The following CACNA1I variants were observed in gnomAD, a reference collection of about 807,000 sequenced individuals.
CACNA1I encodes calcium voltage-gated channel subunit alpha1 I, also known as voltage-dependent T-type calcium channel subunit alpha-1I.
A neutral mutation model predicts 201.6 loss-of-function variants in CACNA1I; 74 were observed. That is an observed-to-expected ratio of 0.37 (90% CI 0.30 to 0.45). The LOEUF is 0.45. Ranked by LOEUF, CACNA1I falls within the 20% of genes least tolerant of loss-of-function variation. CACNA1I has a pLI of 1.00. For synonymous variants in CACNA1I, 1,431 were observed against 1,345.2 expected (o/e 1.06, Z -1.40); for missense variants, 2,346 against 3,138.1 (o/e 0.75, Z 6.03).
intron 7 of CACNA1I, among the ~76,000 whole-genome samples, chr22:39,644,970 G>A (rs756691973): frequency 6.6e-6 from 1 of 152,062 alleles, no homozygotes; most frequent in Non-Finnish European, 1.5e-5. Flanking sequence ...TTACAGGCAT[G>A]AGCCGCAGCC....
At position 39,646,882 on chromosome 22, in the gene CACNA1I, G is replaced by GT; in HGVS notation, c.1462+2dup. ...CACGCCAAGGAGCCCCGGCACTACC[G>GT]TAAGTGGCCCTGCATCCGACGCGGC... On this transcript the variant is annotated splice_donor_variant, in intron 8 of 36. Coordinates refer to ENST00000402142, the MANE Select transcript of CACNA1I (RefSeq NM_021096.4). LOFTEE classifies it high-confidence loss of function. 2.7e-6 allele frequency: 4 copies of GT among 1,488,870 alleles called. No homozygotes were observed. The highest frequency in any genetic ancestry group is 3.6e-6 in the Non-Finnish European group (4 of 1,122,002). The allele number at this position is 1,488,870 out of a possible 1,614,324, so 92.2% of individuals were successfully genotyped here.
chr22:39,636,968 G>C (rs1934234333), intron 5 of CACNA1I, among the ~76,000 whole-genome samples: 1 of 152,192 alleles, frequency 6.6e-6, no homozygotes, highest in Admixed American at 6.5e-5. Context: ...ATGCAGATGG[G>C]GACTGAGGCC....
chr22:39,632,409 C>T (rs1432985833), intron 4 of CACNA1I, among the ~76,000 whole-genome samples: 1 of 152,234 alleles, frequency 6.6e-6, no homozygotes, highest in Non-Finnish European at 1.5e-5. Flanking sequence ...CCCCTGCAAC[C>T]GCCTTCAGGA....
chr22:39,575,829 C>T (rs576046348), intron 1 of CACNA1I, among the ~76,000 whole-genome samples: 1 of 151,622 alleles, frequency 6.6e-6, no homozygotes, highest in Admixed American at 6.6e-5. Context: ...GGATGGAGTG[C>T]AATGGCATGA....
chr22:39,633,279 G>A (rs145712565), intron 4 of CACNA1I, among the ~76,000 whole-genome samples: 2 of 152,154 alleles, frequency 1.3e-5, no homozygotes, highest in East Asian at 1.9e-4. Flanking sequence ...ACTTAGACAA[G>A]GGCCCTGCCC....
intron 3 of CACNA1I, among the ~76,000 whole-genome samples, chr22:39,604,765 TA>T (rs1157488458): frequency 6.6e-6 from 1 of 151,868 alleles, no homozygotes; most frequent in Non-Finnish European, 1.5e-5. Flanking sequence ...TTTTACTTTT[TA>T]ATTTTTTTGT....
chr22:39,574,172 G>T (rs560029561), intron 1 of CACNA1I, among the ~76,000 whole-genome samples: 2 of 152,308 alleles, frequency 1.3e-5, no homozygotes, highest in Admixed American at 6.5e-5. Context: ...AAGATTTAAG[G>T]CTCAGCGACA....
Position 39,581,358 on chromosome 22 carries a change from G to A in CACNA1I, c.236+10370G>A, listed in dbSNP as rs1223663229. On this transcript the variant is annotated intron_variant, in intron 1 of 36. Transcript: ENST00000402142. The stretch of plus-strand genomic sequence containing the variant: ...CTGGGAGAGGATGTGCATGAGGATG[G>A]AAGGACATTTGGGGTCCAGATTCTG... Among the ~76,000 whole-genome samples the A allele has an allele frequency of 2.0e-5, 3 of 152,306 alleles. No homozygotes were observed. The South Asian group carries it at 6.2e-4, about 32-fold the overall frequency.
chr22:39,684,474 G>A lies in CACNA1I; in HGVS notation c.6003G>A (p.Arg2001=). The A allele has an allele frequency of 6.2e-7, 1 of 1,613,302 alleles. No homozygotes were observed. Among genetic ancestry groups the A allele is most frequent in the Non-Finnish European group, 8.5e-7 (1 of 1,179,858 alleles). The change falls in exon 36 of 37, where the codon AGG becomes AGA. Residue 2001 remains arginine (R), a synonymous_variant. Coordinates refer to ENST00000402142, the MANE Select transcript of CACNA1I (RefSeq NM_021096.4). This position sits in a 1 kb window ranked among gnomAD's most constrained non-coding sequence, Gnocchi z 4.6. ...CCTGGGCATCTCTGCGGTCACCAAG[G>A]GTCAACTGTACCCTCCTCCGGCAGG... ...QGSWASLRSP[R]VNCTLLRQAT...
rs1442819857 is a variant in CACNA1I at position 39,570,793 on chromosome 22, C to A, written c.41C>A (p.Ala14Asp). 1 of 1,612,690 alleles carries A rather than the reference C, an allele frequency of 6.2e-7. No homozygotes were observed. The change falls in exon 1 of 37, where the codon GCC becomes GAC. Residue 14 changes from alanine to aspartate, a missense_variant. This residue lies in a region of CACNA1I where 130 missense variants were observed against 160.7 expected (regional missense o/e 0.81). Coordinates refer to ENST00000402142, the MANE Select transcript of CACNA1I (RefSeq NM_021096.4). ...SASPPSSSAAAPAAEPGVTTE... is the reference protein window; with the variant it reads ...SASPPSSSAADPAAEPGVTTE... ...TCCCCGCCCTCCTCATCTGCAGCAGCCCCAGCCGCTGAGCCAGGAGTCACC... is the reference window on the plus strand; with the variant it reads ...TCCCCGCCCTCCTCATCTGCAGCAGACCCAGCCGCTGAGCCAGGAGTCACC...
At chr22:39,651,171 G>A (rs757725954) in intron 10 of CACNA1I, among the ~76,000 whole-genome samples, 8 of 151,442 alleles carry the variant, frequency 5.3e-5, no homozygotes, top group Non-Finnish European at 1.2e-4. Context: ...CCGAGGTCCC[G>A]CCGCCAGCTG....
In CACNA1I at chr22:39,666,738, T is replaced by C. The variant is rs1935209983; in HGVS notation, c.4104+732T>C. On this transcript the variant is annotated intron_variant, in intron 23 of 36. Coordinates refer to ENST00000402142, the MANE Select transcript of CACNA1I (RefSeq NM_021096.4). This position sits in a 1 kb window ranked among gnomAD's most constrained non-coding sequence, Gnocchi z 4.1. ...CAGGCCCTCGTCCCCCACTGGCTGA[T>C]GGGCAGCCTCCAGCTAGATCCCACT... Among the ~76,000 whole-genome samples the C allele has an allele frequency of 6.6e-6, 1 of 152,186 alleles. No homozygotes were observed. The highest frequency in any genetic ancestry group is 1.5e-5 in the Non-Finnish European group (1 of 68,016).
chr22:39,677,214 G>C lies in CACNA1I; in HGVS notation c.4855-127G>C. ...GTGGCAGACGTGGACACACAGCCTG[G>C]GGGAATGTTACAGCTGCTCTGACCC... On this transcript the variant is annotated intron_variant, in intron 29 of 36. Transcript: ENST00000402142. The surrounding 1 kb of genome is among the most constrained non-coding windows in gnomAD (Gnocchi z 4.8). The C allele has an allele frequency of 1.6e-6, 1 of 640,436 alleles. No homozygotes were observed. Among genetic ancestry groups the C allele is most frequent in the East Asian group, 2.9e-5 (1 of 34,886 alleles). The allele number at this position is 640,436 out of a possible 1,614,324, so 39.7% of individuals were successfully genotyped here.
chr22:39,642,090 G>A lies in CACNA1I; in HGVS notation c.1057-707G>A, dbSNP rs141513947. Among the ~76,000 whole-genome samples, 48 of 152,196 alleles carry A rather than the reference G, an allele frequency of 3.2e-4. No individual in the cohort carries two copies. The East Asian group carries it at 6.8e-3, about 21-fold the overall frequency. On this transcript the variant is annotated intron_variant, in intron 6 of 36. Coordinates refer to ENST00000402142, the MANE Select transcript of CACNA1I (RefSeq NM_021096.4). ...AACTCTGCTGCCTCCGCTGCCCTGC[G>A]CTGCCTCTGCTGCCCTGTGCTGCCC... is the stretch of plus-strand genomic sequence containing the variant.
In CACNA1I at chr22:39,665,812, G is replaced by A. The variant is rs924213062; in HGVS notation, c.3979-69G>A. 1.7e-5 allele frequency: 28 copies of A among 1,602,882 alleles called. No individual in the cohort carries two copies. The highest frequency in any genetic ancestry group is 1.7e-4 in the Middle Eastern group (1 of 6,060). ...CAAGACAGTCTGAGTAAACGCGATC[G>A]AGAGGCGAGTTCCTCTCTGACTTGC... On this transcript the variant is annotated intron_variant, in intron 22 of 36. Coordinates refer to ENST00000402142, the MANE Select transcript of CACNA1I (RefSeq NM_021096.4). This position sits in a 1 kb window ranked among gnomAD's most constrained non-coding sequence, Gnocchi z 5.5.
At chr22:39,601,815 C>T (rs1191645529) in intron 3 of CACNA1I, among the ~76,000 whole-genome samples, 2 of 144,516 alleles carry the variant, frequency 1.4e-5, no homozygotes, top group South Asian at 2.3e-4. Flanking sequence ...CTTGCTCTCT[C>T]GCTTTCTCTC....
In CACNA1I at chr22:39,659,940, C is replaced by A. The variant is rs1246851143; in HGVS notation, c.2604+88C>A. 2 of 1,491,002 alleles carry A rather than the reference C, an allele frequency of 1.3e-6. No individual in the cohort carries two copies. Among genetic ancestry groups the A allele is most frequent in the African/African-American group, 1.4e-5 (1 of 72,338 alleles). The allele number at this position is 1,491,002 out of a possible 1,614,324, so 92.4% of individuals were successfully genotyped here. ...AGGTGGCCTGGATGGGGGAGGGCTGCAATTCAAACTTCTAGCAGGCAACCT... is the reference window on the plus strand; with the variant it reads ...AGGTGGCCTGGATGGGGGAGGGCTGAAATTCAAACTTCTAGCAGGCAACCT... On this transcript the variant is annotated intron_variant, in intron 14 of 36. Transcript: ENST00000402142. This position sits in a 1 kb window ranked among gnomAD's most constrained non-coding sequence, Gnocchi z 4.3.
At chr22:39,622,837 G>A (rs1356893612) in intron 4 of CACNA1I, among the ~76,000 whole-genome samples, 2 of 151,930 alleles carry the variant, frequency 1.3e-5, no homozygotes, top group Admixed American at 6.6e-5. Context: ...GTCGCTCCTG[G>A]CTCCCACCCA....
intron 20 of CACNA1I, among the ~76,000 whole-genome samples, chr22:39,664,482 T>C (rs1294839741): frequency 1.3e-5 from 2 of 152,074 alleles, no homozygotes; most frequent in Admixed American, 6.5e-5. Context: ...CAGTTTTCAA[T>C]TGGATTTGCC....
Sources: allele counts gnomAD v4.1 joint callset (sites outside exome capture counted in the v4.1 genomes callset), GRCh38; gene constraint gnomAD v4.1.1; regional missense constraint gnomAD v4.1.1; non-coding constraint Gnocchi (gnomAD v3.1); transcripts MANE v1.5; gene names NCBI Gene and HGNC (gene_info 2026-07-23, HGNC 2026-07-21).